The following FAM149A variants were observed in gnomAD, a reference collection of about 807,000 sequenced individuals.
FAM149A encodes family with sequence similarity 149 member A, also known as protein FAM149A.
A neutral mutation model predicts 78.2 loss-of-function variants in FAM149A; 71 were observed. The observed-to-expected ratio is 0.91, with a 90% CI of 0.75 to 1.11. The LOEUF (loss-of-function observed/expected upper bound fraction) is 1.11, where lower values mean the gene tolerates loss of function less well. Ranked by LOEUF, FAM149A falls within the 50% of genes least tolerant of loss-of-function variation. FAM149A has a pLI of 0.00. For synonymous variants in FAM149A, 446 were observed against 410.5 expected (o/e 1.09, Z -1.04); for missense variants, 1,036 against 971.0 (o/e 1.07, Z -0.89).
chr4:186,137,458 G>C (rs554550877), intron 1 of FAM149A, among the ~76,000 whole-genome samples: 2 of 151,990 alleles, frequency 1.3e-5, no homozygotes, highest in East Asian at 1.9e-4. Context: ...TCGGCTGTGC[G>C]TACCACCTAC....
chr4:186,108,556 G>C (rs552532076), intron 1 of FAM149A, among the ~76,000 whole-genome samples: 1 of 152,050 alleles, frequency 6.6e-6, no homozygotes, highest in South Asian at 2.1e-4. Context: ...CAAGAATTCC[G>C]TAAGTGAAAG....
chr4:186,173,538 G>C lies in FAM149A; in HGVS notation c.*1551G>C, dbSNP rs532635882. On this transcript the variant is annotated 3_prime_UTR_variant, in exon 14 of 14. Coordinates refer to ENST00000389354, the MANE Select transcript of FAM149A (RefSeq NM_001367768.3). Reference sequence around the variant, plus strand: ...CAGCTAAATTTTTTTTGTATTTTTAGTAGAGGCAGGGTTTCACCATGTTAG... The same window carrying C: ...CAGCTAAATTTTTTTTGTATTTTTACTAGAGGCAGGGTTTCACCATGTTAG... 1.8e-3 allele frequency among the ~76,000 whole-genome samples: 195 copies of C among 110,912 alleles called. 67 individuals are homozygous for C. In the Middle Eastern group the frequency reaches 0.034, roughly 19 times the overall value. 72.8% of individuals were successfully genotyped at this position (110,912 alleles called of 152,430 possible).
intron 1 of FAM149A, among the ~76,000 whole-genome samples, chr4:186,113,581 C>G (rs1422515119): frequency 1.4e-5 from 2 of 143,542 alleles, no homozygotes; most frequent in African/African-American, 2.6e-5. Context: ...CCCAGAGTTT[C>G]TAGTATGTTG....
At chr4:186,118,275 C>T in intron 1 of FAM149A, 1 of 977,132 alleles carries the variant, frequency 1.0e-6, no homozygotes, top group Non-Finnish European at 1.2e-6. Flanking sequence ...CGTCTCCTTT[C>T]TCTGCTGGAA....
chr4:186,150,447 T>C (rs1733420086), intron 3 of FAM149A, among the ~76,000 whole-genome samples: 1 of 116,126 alleles, frequency 8.6e-6, no homozygotes, highest in South Asian at 3.2e-4. Context: ...TGAGACGGAG[T>C]CTCGCTCTGT....
At position 186,109,106 on chromosome 4, in the gene FAM149A, C is replaced by T. The variant is rs942218550; in HGVS notation, c.566+3464C>T. Reference sequence around the variant, plus strand: ...TTGTAATTTGCCCGCCTCGGCCTCCCGAAGTGCTGGGATTACAGGCTTGAG... The same window carrying T: ...TTGTAATTTGCCCGCCTCGGCCTCCTGAAGTGCTGGGATTACAGGCTTGAG... On this transcript the variant is annotated intron_variant, in intron 1 of 13. Transcript: ENST00000389354. 3.1e-5 allele frequency: 27 copies of T among 879,682 alleles called. No individual in the cohort carries two copies. The East Asian group carries it at 3.6e-4, about 12-fold the overall frequency. The allele number at this position is 879,682 out of a possible 1,614,324, so 54.5% of individuals were successfully genotyped here. A position where few individuals can be genotyped will look rare whatever the true frequency, so the allele number is the denominator to read the frequency against.
intron 1 of FAM149A, among the ~76,000 whole-genome samples, 174 bp from the exon 2 acceptor site, chr4:186,148,999 G>GGTGTGTGT (rs70964919): frequency 1.5e-3 from 217 of 148,086 alleles, no homozygotes; most frequent in African/African-American, 5.0e-3. Flanking sequence ...ATCAGGATGG[G>GGTGTGTGT]GTGTGTGTGT....
At chr4:186,123,162 A>G in intron 1 of FAM149A, 3 of 957,526 alleles carry the variant, frequency 3.1e-6, no homozygotes, top group Non-Finnish European at 3.7e-6. Context: ...TGTTAATCCA[A>G]GGAACCAGGA....
intron 3 of FAM149A, among the ~76,000 whole-genome samples, chr4:186,149,912 G>T (rs1199209645): frequency 6.6e-6 from 1 of 152,146 alleles, no homozygotes; most frequent in Non-Finnish European, 1.5e-5. Flanking sequence ...GTGACCTTCT[G>T]GCCCCGTCTT....
At chr4:186,149,784 T>G in intron 3 of FAM149A, 80 bp downstream of exon 3, 1 of 1,032,208 alleles carries the variant, frequency 9.7e-7, no homozygotes. Flanking sequence ...AAAATTATTT[T>G]TACCAATTAT....
At chr4:186,171,855 T>TCC in intron 13 of FAM149A, 59 bp from the exon 14 acceptor site, 1 of 1,437,532 alleles carries the variant, frequency 7.0e-7, no homozygotes, top group Non-Finnish European at 9.5e-7. Flanking sequence ...AAACAATCGT[T>TCC]CTGAGTGGGT....
chr4:186,129,296 A>G (rs773697726), intron 1 of FAM149A, among the ~76,000 whole-genome samples: 9 of 152,116 alleles, frequency 5.9e-5, no homozygotes, highest in Non-Finnish European at 1.2e-4. Context: ...ACACTGACCA[A>G]TATGGCCAAT....
In FAM149A at chr4:186,105,488, G is replaced by A; in HGVS notation, c.412G>A (p.Ala138Thr). 1 of 1,203,916 alleles carries A rather than the reference G, an allele frequency of 8.3e-7. No homozygotes were observed. Among genetic ancestry groups the A allele is most frequent in the Non-Finnish European group, 1.0e-6 (1 of 953,848 alleles). 74.6% of individuals were successfully genotyped at this position (1,203,916 alleles called of 1,614,324 possible). A position where few individuals can be genotyped will look rare whatever the true frequency, so the allele number is the denominator to read the frequency against. ...GCCCTCGGGCCCCGGCGGGGTCTGGGCCGCGCTCCCCAGGAACCCGCTCCA... is the reference window on the plus strand; with the variant it reads ...GCCCTCGGGCCCCGGCGGGGTCTGGACCGCGCTCCCCAGGAACCCGCTCCA... Residue 138 changes from alanine to threonine, a missense_variant, in exon 1 of 14, where the codon GCC becomes ACC. Transcript: ENST00000389354.
chr4:186,163,082 C>T (rs1195380265), intron 9 of FAM149A, 134 bp downstream of exon 9: 2 of 648,758 alleles, frequency 3.1e-6, no homozygotes, highest in East Asian at 5.4e-5. Flanking sequence ...CTGAGCACGT[C>T]TGGAAGAGCA....
intron 1 of FAM149A, among the ~76,000 whole-genome samples, chr4:186,135,955 C>A (rs560578125): frequency 6.6e-6 from 1 of 152,142 alleles, no homozygotes; most frequent in African/African-American, 2.4e-5. Flanking sequence ...GGAGGCACCA[C>A]GCGTGTGGAG....
chr4:186,146,538 G>GA (rs1234886908), intron 1 of FAM149A: 1 of 973,208 alleles, frequency 1.0e-6, no homozygotes, highest in African/African-American at 1.8e-5. Flanking sequence ...CCTTTCCCCT[G>GA]AAAAAGAGTG....
chr4:186,156,920 G>GGGCT (rs1734077064), intron 7 of FAM149A, among the ~76,000 whole-genome samples: 1 of 36,876 alleles, frequency 2.7e-5, no homozygotes, highest in African/African-American at 5.1e-5. Context: ...TATTGAAAGT[G>GGGCT]AGCACTCCAT....
At chr4:186,143,064 TAAG>T (rs893524357) in intron 1 of FAM149A, among the ~76,000 whole-genome samples, 1 of 150,966 alleles carries the variant, frequency 6.6e-6, no homozygotes, top group Admixed American at 6.6e-5. Context: ...TAAATATATG[TAAG>T]AATATATGTA....
chr4:186,156,788 A>G (rs989596066), intron 7 of FAM149A, among the ~76,000 whole-genome samples: 1 of 152,170 alleles, frequency 6.6e-6, no homozygotes, highest in Non-Finnish European at 1.5e-5. Flanking sequence ...TGGGCAACAT[A>G]GTAACACCCT....
Sources: allele counts gnomAD v4.1 joint callset (sites outside exome capture counted in the v4.1 genomes callset), GRCh38; gene constraint gnomAD v4.1.1; transcripts MANE v1.5; gene names NCBI Gene and HGNC (gene_info 2026-07-23, HGNC 2026-07-21).